The following EFHC1 variants were observed in gnomAD, a reference collection of about 807,000 sequenced individuals.
EFHC1 encodes the protein EF-hand domain-containing protein 1.
Under a neutral mutation model 69.9 loss-of-function variants are expected in EFHC1, and 53 were observed. The observed-to-expected ratio is 0.76, with a 90% CI of 0.61 to 0.95. EFHC1 has a LOEUF of 0.95. EFHC1 is among the 40% of genes least tolerant of loss of function. EFHC1 has a pLI of 0.00. For synonymous variants in EFHC1, 256 were observed against 278.4 expected (o/e 0.92, Z 0.80); for missense variants, 739 against 798.7 (o/e 0.93, Z 0.90).
chr6:52,492,589 C>T lies in EFHC1; in HGVS notation c.*248C>T, dbSNP rs1357968117. 1.6e-6 allele frequency: 1 copy of T among 631,520 alleles called. No homozygotes were observed. The allele number at this position is 631,520 out of a possible 1,614,324, so 39.1% of individuals were successfully genotyped here. A position where few individuals can be genotyped will look rare whatever the true frequency, so the allele number is the denominator to read the frequency against. On this transcript the variant is annotated 3_prime_UTR_variant, in exon 11 of 11. Coordinates refer to ENST00000371068, the MANE Select transcript of EFHC1 (RefSeq NM_018100.4). ...TCAAATTGACTTGGCCACAGGGGGCCCAAATATTTCCTTTCTTTCTTTTTA... is the reference window on the plus strand; with the variant it reads ...TCAAATTGACTTGGCCACAGGGGGCTCAAATATTTCCTTTCTTTCTTTTTA...
intron 2 of EFHC1, among the ~76,000 whole-genome samples, chr6:52,436,880 G>T (rs756872396): frequency 6.6e-6 from 1 of 152,164 alleles, no homozygotes; most frequent in African/African-American, 2.4e-5. Context: ...TAACTCAGGT[G>T]ATCTGCCTGC....
At chr6:52,488,064 T>C (rs1765822936) in intron 9 of EFHC1, 2 of 152,238 alleles carry the variant, frequency 1.3e-5, no homozygotes, top group Admixed American at 6.5e-5. Flanking sequence ...TTTCCTGCTG[T>C]ATAAAGGGGA....
intron 3 of EFHC1, among the ~76,000 whole-genome samples, chr6:52,439,380 C>A (rs1354067535): frequency 6.6e-6 from 1 of 152,088 alleles, no homozygotes; most frequent in Non-Finnish European, 1.5e-5. Context: ...TTATTGTTTT[C>A]ATTTAGTAGT....
At chr6:52,461,368 G>T (rs922299015) in intron 5 of EFHC1, among the ~76,000 whole-genome samples, 5 of 152,104 alleles carry the variant, frequency 3.3e-5, no homozygotes, top group African/African-American at 1.2e-4. Flanking sequence ...ATGGCCTTCA[G>T]CTGCATCCAT....
At chr6:52,429,886 G>A (rs766863101) in intron 2 of EFHC1, 1 of 152,050 alleles carries the variant, frequency 6.6e-6, no homozygotes, top group African/African-American at 2.4e-5. Flanking sequence ...TTTCAGCAGT[G>A]TTTTGTAGTT....
chr6:52,441,020 A>T (rs1045949093), intron 3 of EFHC1, among the ~76,000 whole-genome samples: 2 of 151,890 alleles, frequency 1.3e-5, no homozygotes, highest in African/African-American at 2.4e-5. Flanking sequence ...TTTCTTATAG[A>T]TGGTGCATAT....
chr6:52,442,141 G>A (rs1165527571), intron 3 of EFHC1, among the ~76,000 whole-genome samples: 1 of 152,020 alleles, frequency 6.6e-6, no homozygotes. Context: ...TATTGTCTTG[G>A]ATAGAAGTTG....
At chr6:52,469,185 G>A in intron 6 of EFHC1, 148 bp from the exon 7 acceptor site, 2 of 1,017,774 alleles carry the variant, frequency 2.0e-6, no homozygotes, top group South Asian at 1.5e-5. Context: ...TAAGTGATAT[G>A]TTATATTTTC....
intron 2 of EFHC1, 146 bp from the exon 3 acceptor site, chr6:52,438,158 T>G: frequency 1.2e-6 from 1 of 818,718 alleles, no homozygotes; most frequent in Non-Finnish European, 1.9e-6. Flanking sequence ...GTATCTGTAG[T>G]TTTAGAGTAT....
chr6:52,488,644 T>G (rs1404325301), intron 9 of EFHC1: 1 of 152,220 alleles, frequency 6.6e-6, no homozygotes, highest in East Asian at 1.9e-4. Context: ...CCATCTTTCA[T>G]GTACCCACTT....
chr6:52,461,242 C>T (rs968173082), intron 5 of EFHC1, among the ~76,000 whole-genome samples: 1 of 152,060 alleles, frequency 6.6e-6, no homozygotes, highest in East Asian at 1.9e-4. Context: ...CTCCAATAGA[C>T]CCCAGTGTGT....
At chr6:52,487,710 A>G (rs1236599461) in intron 9 of EFHC1, 1 of 152,234 alleles carries the variant, frequency 6.6e-6, no homozygotes, top group Admixed American at 6.5e-5. Flanking sequence ...TACCTCTGGA[A>G]GATTAGCCAC....
Position 52,455,098 on chromosome 6 carries a change from G to T in EFHC1, c.916+811G>T, listed in dbSNP as rs114404687. Among the ~76,000 whole-genome samples, 460 of 151,574 alleles carry T rather than the reference G, an allele frequency of 3.0e-3. 4 individuals are homozygous for T. The highest frequency in any genetic ancestry group is 0.011 in the African/African-American group (445 of 41,350). The stretch of plus-strand genomic sequence containing the variant: ...CAGTGAGATCCTATCTCCAGAAAAA[G>T]AAAAAAAGTTACCTACCATATTTGA... On this transcript the variant is annotated intron_variant, in intron 5 of 10. Transcript: ENST00000371068.
intron 5 of EFHC1, among the ~76,000 whole-genome samples, chr6:52,460,837 C>CTAG (rs1482069771): frequency 1.3e-5 from 2 of 152,148 alleles, no homozygotes; most frequent in African/African-American, 4.8e-5. Context: ...TACTGGGAAA[C>CTAG]TTCTAGAGTA....
At chr6:52,466,094 T>C (rs2114008982) in intron 6 of EFHC1, among the ~76,000 whole-genome samples, 1 of 152,214 alleles carries the variant, frequency 6.6e-6, no homozygotes, top group Admixed American at 6.5e-5. Flanking sequence ...TATCCACTCA[T>C]GAAATGGATG....
intron 2 of EFHC1, 101 bp downstream of exon 2, chr6:52,424,268 T>C: frequency 1.7e-6 from 2 of 1,163,536 alleles, no homozygotes; most frequent in Non-Finnish European, 2.5e-6. Context: ...CAAAGGGCTC[T>C]GAGGAGAAAA....
intron 2 of EFHC1, among the ~76,000 whole-genome samples, chr6:52,432,708 T>C (rs1016775977): frequency 1.3e-5 from 2 of 152,178 alleles, no homozygotes; most frequent in Non-Finnish European, 2.9e-5. Context: ...GTAGTGAATT[T>C]CCCAGGTATT....
intron 9 of EFHC1, chr6:52,482,064 C>T (rs1294341402): frequency 1.3e-5 from 2 of 152,100 alleles, no homozygotes; most frequent in Non-Finnish European, 2.9e-5. Context: ...TTGTCACTGC[C>T]AGGCGCGGTG....
rs983860097 is a variant in EFHC1, at chr6:52,433,644, G to C, written c.286-4660G>C. Among the ~76,000 whole-genome samples, 3 of 152,200 alleles carry C rather than the reference G, an allele frequency of 2.0e-5. 1 individual carries two copies. Among genetic ancestry groups the C allele is most frequent in the Non-Finnish European group, 1.5e-5 (1 of 68,036 alleles). On this transcript the variant is annotated intron_variant, in intron 2 of 10. Transcript: ENST00000371068. ...TGGTTGTTTAATGTACTATTTTTGTGCTGGTTGGTCTCCTGCCAGGAGGTG... is the reference window on the plus strand; with the variant it reads ...TGGTTGTTTAATGTACTATTTTTGTCCTGGTTGGTCTCCTGCCAGGAGGTG...
Sources: allele counts gnomAD v4.1 joint callset (sites outside exome capture counted in the v4.1 genomes callset), GRCh38; gene constraint gnomAD v4.1.1; transcripts MANE v1.5; gene names NCBI Gene and HGNC (gene_info 2026-07-23, HGNC 2026-07-21).